The following DIP2B variants were observed in gnomAD, a reference collection of about 807,000 sequenced individuals.
DIP2B encodes disco-interacting protein 2 homolog B.
DIP2B carries 76 observed loss-of-function variants against 198.0 expected under a neutral mutation model. The observed-to-expected ratio is 0.38, with a 90% CI of 0.32 to 0.46. The LOEUF (loss-of-function observed/expected upper bound fraction) is 0.46, where lower values mean the gene tolerates loss of function less well. Ranked by LOEUF, DIP2B falls within the 20% of genes least tolerant of loss-of-function variation. The probability of loss-of-function intolerance (pLI) is 0.99; values close to 1 mark genes in which losing one functional copy is unlikely to be tolerated. For synonymous variants in DIP2B, 701 were observed against 739.1 expected (o/e 0.95, Z 0.84); for missense variants, 1,559 against 1,978.4 (o/e 0.79, Z 4.02).
intron 2 of DIP2B, among the ~76,000 whole-genome samples, chr12:50,632,268 T>C (rs1312849461): frequency 6.6e-6 from 1 of 151,730 alleles, no homozygotes; most frequent in African/African-American, 2.4e-5. Context: ...GGGCCTGAGG[T>C]TGGGAGTTCA....
intron 1 of DIP2B, among the ~76,000 whole-genome samples, chr12:50,550,690 G>C (rs1266879795): frequency 1.3e-5 from 2 of 152,224 alleles, no homozygotes; most frequent in Non-Finnish European, 2.9e-5. Context: ...TGTTACTCCA[G>C]AGGCAGCCCG....
At chr12:50,739,153 A>T (rs1340616261) in intron 35 of DIP2B, among the ~76,000 whole-genome samples, 1 of 152,208 alleles carries the variant, frequency 6.6e-6, no homozygotes, top group Non-Finnish European at 1.5e-5. Flanking sequence ...TGTTAGGTGA[A>T]TTAGTTAACT....
chr12:50,675,669 C>CA, intron 7 of DIP2B, among the ~76,000 whole-genome samples: 1 of 152,188 alleles, frequency 6.6e-6, no homozygotes, highest in East Asian at 1.9e-4. Context: ...GCAAAGAGAT[C>CA]ACCATGGAGC....
rs1939355928 is a variant in DIP2B at position 50,698,371 on chromosome 12, T to C, written c.2092T>C (p.Ser698Pro). Residue 698 changes from serine to proline, a missense_variant, in exon 18 of 38, where the codon TCA becomes CCA. Coordinates refer to ENST00000301180, the MANE Select transcript of DIP2B (RefSeq NM_173602.3). ...GAPLPGRAILSMNGLSYGVIR... is the reference protein window; with the variant it reads ...GAPLPGRAILPMNGLSYGVIR... ...CCCTTTGCCAGGAAGAGCCATTCTC[T>C]CAATGAATGGATTGAGCTATGGGGT... The C allele has an allele frequency of 1.2e-6, 2 of 1,613,836 alleles. No homozygotes were observed. The highest frequency in any genetic ancestry group is 1.3e-5 in the African/African-American group (1 of 74,906).
At chr12:50,539,740 C>G (rs1478077748) in intron 1 of DIP2B, among the ~76,000 whole-genome samples, 1 of 152,044 alleles carries the variant, frequency 6.6e-6, no homozygotes, top group Non-Finnish European at 1.5e-5. Flanking sequence ...TGGGCCTCTT[C>G]TATTACTTTT....
At chr12:50,685,681 A>G in intron 10 of DIP2B, 152 bp from the exon 11 acceptor site, 3 of 791,944 alleles carry the variant, frequency 3.8e-6, no homozygotes, top group Non-Finnish European at 5.6e-6. Flanking sequence ...TTGGAAGAAC[A>G]CATTGTGATT....
chr12:50,611,131 CAAATT>C lies in DIP2B; in HGVS notation c.101-14841_101-14837del, dbSNP rs534075674. Among the ~76,000 whole-genome samples the C allele has an allele frequency of 1.2e-3, 188 of 152,222 alleles. 1 individual carries two copies. Among genetic ancestry groups the C allele is most frequent in the African/African-American group, 4.3e-3 (178 of 41,530 alleles). On this transcript the variant is annotated intron_variant, in intron 1 of 37. Transcript: ENST00000301180. ...TATCTTTAGGGGGATAATAGACACA[CAAATT>C]AAAGAGAGAAAGGATTGTATTATCA...
chr12:50,729,728 T>G (rs981141415), intron 30 of DIP2B, among the ~76,000 whole-genome samples: 1 of 143,236 alleles, frequency 7.0e-6, no homozygotes, highest in African/African-American at 2.5e-5. Context: ...TTTCTTTTTT[T>G]TCTTTTTCTT....
intron 1 of DIP2B, among the ~76,000 whole-genome samples, chr12:50,620,174 G>A (rs946651164): frequency 3.3e-5 from 5 of 152,332 alleles, no homozygotes; most frequent in African/African-American, 1.2e-4. Flanking sequence ...CCTGACTGGT[G>A]TAAATACACA....
chr12:50,591,869 TTATTTTTG>T lies in DIP2B; in HGVS notation c.101-34105_101-34098del, dbSNP rs1958821864. ...ATATTGTTTATTAACTTTTATTTCTTTATTTTTGTGTGTTTTTTTTTTTTTTGAGATGG... is the reference window on the plus strand; with the variant it reads ...ATATTGTTTATTAACTTTTATTTCTTTGTGTTTTTTTTTTTTTTGAGATGG... On this transcript the variant is annotated intron_variant, in intron 1 of 37. Coordinates refer to ENST00000301180, the MANE Select transcript of DIP2B (RefSeq NM_173602.3). Among the ~76,000 whole-genome samples, 3 of 151,208 alleles carry T rather than the reference TTATTTTTG, an allele frequency of 2.0e-5. No individual in the cohort carries two copies. The South Asian group carries it at 6.3e-4, about 32-fold the overall frequency.
intron 1 of DIP2B, among the ~76,000 whole-genome samples, chr12:50,578,733 C>T (rs1349429192): frequency 1.3e-5 from 2 of 151,564 alleles, no homozygotes; most frequent in Admixed American, 6.6e-5. Flanking sequence ...TGGTCTCGAT[C>T]TCCTGACCTC....
chr12:50,675,831 T>A (rs1410673850), intron 7 of DIP2B, among the ~76,000 whole-genome samples: 3 of 152,252 alleles, frequency 2.0e-5, no homozygotes, highest in African/African-American at 7.2e-5. Flanking sequence ...AATGTAATCC[T>A]TTTATGAATC....
intron 1 of DIP2B, among the ~76,000 whole-genome samples, chr12:50,534,124 A>G (rs1000568645): frequency 1.3e-5 from 2 of 152,174 alleles, no homozygotes; most frequent in African/African-American, 2.4e-5. Context: ...TAGAACTCCA[A>G]TTAGGCATGT....
chr12:50,692,537 C>G (rs967513572), intron 13 of DIP2B, among the ~76,000 whole-genome samples: 8 of 152,066 alleles, frequency 5.3e-5, no homozygotes, highest in African/African-American at 1.4e-4. Context: ...TTAGTCATTT[C>G]TCTAAAAACA....
intron 20 of DIP2B, among the ~76,000 whole-genome samples, chr12:50,705,432 C>T (rs1341928882): frequency 6.6e-6 from 1 of 152,178 alleles, no homozygotes; most frequent in Non-Finnish European, 1.5e-5. Context: ...AATGGAGCTC[C>T]AAGCCTTTCA....
intron 2 of DIP2B, among the ~76,000 whole-genome samples, chr12:50,640,392 G>A (rs538108871): frequency 2.6e-5 from 4 of 152,026 alleles, no homozygotes; most frequent in Non-Finnish European, 5.9e-5. Context: ...CAAGCTATTC[G>A]TTGTCTCACT....
chr12:50,614,495 C>T (rs967978280), intron 1 of DIP2B, among the ~76,000 whole-genome samples: 1 of 152,154 alleles, frequency 6.6e-6, no homozygotes, highest in Non-Finnish European at 1.5e-5. Flanking sequence ...TCTAGAGTTT[C>T]TCTCTCCTGT....
chr12:50,692,023 C>T (rs1939230894), intron 13 of DIP2B, among the ~76,000 whole-genome samples: 1 of 151,796 alleles, frequency 6.6e-6, no homozygotes, highest in Non-Finnish European at 1.5e-5. Context: ...CGAGATCATG[C>T]CACTGCACTC....
In DIP2B at chr12:50,674,556, C is replaced by A. The variant is rs1215078158; in HGVS notation, c.723C>A (p.Asp241Glu). The change falls in exon 6 of 38, where the codon GAC (aspartate) becomes GAA (glutamate). Residue 241 changes from aspartate to glutamate, a missense_variant. Transcript: ENST00000301180. ...CCTCAATTCGCCCAGCAAACATTGA[C>A]CTGCCCCCCTCGGGGATAGTTAAAG... ...SSSSIRPANI[D>E]LPPSGIVKGM... The A allele has an allele frequency of 3.1e-6, 5 of 1,614,228 alleles. No homozygotes were observed. The highest frequency in any genetic ancestry group is 4.2e-6 in the Non-Finnish European group (5 of 1,180,046).
Sources: allele counts gnomAD v4.1 joint callset (sites outside exome capture counted in the v4.1 genomes callset), GRCh38; gene constraint gnomAD v4.1.1; transcripts MANE v1.5; gene names NCBI Gene and HGNC (gene_info 2026-07-23, HGNC 2026-07-21).